Variants in THRB observed in about 807,000 individuals in gnomAD.
THRB encodes the protein nuclear receptor subfamily 1 group A member 2.
In THRB, 12 loss-of-function variants were observed where a neutral mutation model predicts 47.8. That is an observed-to-expected ratio of 0.25 (90% CI 0.16 to 0.41). The LOEUF (loss-of-function observed/expected upper bound fraction) is 0.41, where lower values mean the gene tolerates loss of function less well. THRB is among the 10% of genes least tolerant of loss of function. The pLI is 1.00. For missense variants in THRB, 348 were observed against 589.2 expected (o/e 0.59, Z 4.24); for synonymous variants, 218 against 212.2 (o/e 1.03, Z -0.24).
chr3:24,462,319 A>C (rs1444987048), intron 1 of THRB, among the ~76,000 whole-genome samples: 1 of 152,232 alleles, frequency 6.6e-6, no homozygotes, highest in Middle Eastern at 3.2e-3. Flanking sequence ...AGAATTAAGA[A>C]GGTTTGACTA....
At chr3:24,426,249 G>T (rs903981550) in intron 1 of THRB, among the ~76,000 whole-genome samples, 2 of 151,862 alleles carry the variant, frequency 1.3e-5, no homozygotes, top group African/African-American at 4.8e-5. Flanking sequence ...ATAACTTTAT[G>T]TTATGTCCTT....
intron 1 of THRB, among the ~76,000 whole-genome samples, chr3:24,424,665 C>G (rs2069585192): frequency 1.3e-5 from 2 of 151,912 alleles, no homozygotes; most frequent in Non-Finnish European, 2.9e-5. Flanking sequence ...TTTTCACAGC[C>G]TAGAATTCTT....
intron 8 of THRB, among the ~76,000 whole-genome samples, chr3:24,136,544 A>G (rs182128417): frequency 6.6e-6 from 1 of 152,350 alleles, no homozygotes; most frequent in Admixed American, 6.5e-5. Context: ...TAGAGTATAA[A>G]TATTTCACAT....
At chr3:24,204,222 C>A (rs184814373) in intron 4 of THRB, among the ~76,000 whole-genome samples, 5 of 152,360 alleles carry the variant, frequency 3.3e-5, no homozygotes, top group Non-Finnish European at 7.3e-5. Context: ...GGGTCCCCGA[C>A]CCCTGAGTAG....
At chr3:24,196,195 G>A (rs1280653210) in intron 4 of THRB, among the ~76,000 whole-genome samples, 1 of 152,142 alleles carries the variant, frequency 6.6e-6, no homozygotes, top group Non-Finnish European at 1.5e-5. Flanking sequence ...TCTAAAACCT[G>A]ACCTGACCTT....
chr3:24,235,076 G>A (rs1419162560), intron 3 of THRB, among the ~76,000 whole-genome samples: 1 of 152,202 alleles, frequency 6.6e-6, no homozygotes, highest in East Asian at 1.9e-4. Flanking sequence ...ACCTCTTTGA[G>A]TGGGATCATT....
intron 1 of THRB, among the ~76,000 whole-genome samples, chr3:24,485,175 T>A (rs73823334): frequency 6.6e-6 from 1 of 152,186 alleles, no homozygotes; most frequent in Non-Finnish European, 1.5e-5. Flanking sequence ...GGCATGTACA[T>A]ACAATGGCAG....
chr3:24,234,508 C>T (rs1366857371), intron 3 of THRB, among the ~76,000 whole-genome samples: 1 of 152,126 alleles, frequency 6.6e-6, no homozygotes, highest in Non-Finnish European at 1.5e-5. Context: ...AGCCTGGAGG[C>T]TGAAGAGGAA....
chr3:24,227,504 G>A (rs1348503938), intron 4 of THRB, among the ~76,000 whole-genome samples: 2 of 152,152 alleles, frequency 1.3e-5, no homozygotes, highest in African/African-American at 4.8e-5. Flanking sequence ...ATGTGATTCC[G>A]ATGCCCTCAG....
chr3:24,128,889 T>TTTTTTTTTTTTTG (rs2033373342), intron 9 of THRB, among the ~76,000 whole-genome samples: 1 of 146,298 alleles, frequency 6.8e-6, no homozygotes, highest in Non-Finnish European at 1.5e-5. Context: ...TTTTTTTTTT[T>TTTTTTTTTTTTTG]ACCATGGATA....
chr3:24,134,725 G>A (rs2034389326), intron 8 of THRB, among the ~76,000 whole-genome samples: 1 of 152,146 alleles, frequency 6.6e-6, no homozygotes, highest in South Asian at 2.1e-4. Flanking sequence ...CCAGAAAGAT[G>A]TGAATGTGAC....
At position 24,117,902 on chromosome 3, in the gene THRB, A is replaced by C. The variant is rs956093056; in HGVS notation, c.*4982T>G. ...CTGATGTTAACATAATTCCATTAGT[A>C]ATATTCCTGAATAATTTGAGATGAG... is the stretch of plus-strand genomic sequence containing the variant. On this transcript the variant is annotated 3_prime_UTR_variant, in exon 11 of 11. Transcript: ENST00000646209. The C allele has an allele frequency of 1.3e-5, 2 of 152,222 alleles. No homozygotes were observed. Among genetic ancestry groups the C allele is most frequent in the African/African-American group, 4.8e-5 (2 of 41,464 alleles). The allele number at this position is 152,222 out of a possible 1,614,324, so 9.4% of individuals were successfully genotyped here.
At chr3:24,225,925 C>T (rs750695987) in intron 4 of THRB, among the ~76,000 whole-genome samples, 11 of 151,904 alleles carry the variant, frequency 7.2e-5, no homozygotes, top group Non-Finnish European at 1.2e-4. Context: ...AATTAGGTGG[C>T]GTAAAGCAGT....
intron 4 of THRB, among the ~76,000 whole-genome samples, chr3:24,193,330 C>CT (rs1238343033): frequency 6.6e-6 from 1 of 152,150 alleles, no homozygotes; most frequent in African/African-American, 2.4e-5. Flanking sequence ...GAAGACCAGG[C>CT]TTTTTGAAAT....
chr3:24,222,858 C>T (rs901774767), intron 4 of THRB, among the ~76,000 whole-genome samples: 4 of 152,132 alleles, frequency 2.6e-5, no homozygotes, highest in East Asian at 3.8e-4. Context: ...TGGCAGCATT[C>T]GTAATGTGTA....
chr3:24,146,598 G>A, intron 7 of THRB, 77 bp downstream of exon 7: 1 of 1,490,220 alleles, frequency 6.7e-7, no homozygotes, highest in Non-Finnish European at 9.3e-7. Flanking sequence ...CTTCTTTTCT[G>A]CCCAGTCGAT....
At chr3:24,225,527 A>G (rs917962722) in intron 4 of THRB, among the ~76,000 whole-genome samples, 2 of 152,184 alleles carry the variant, frequency 1.3e-5, no homozygotes, top group Admixed American at 1.3e-4. Context: ...CCATATCCTA[A>G]TATCATACAG....
intron 3 of THRB, among the ~76,000 whole-genome samples, chr3:24,233,560 GAAGAAAGAAAGAAAGA>G (rs769459380): frequency 1.7e-4 from 13 of 77,302 alleles, no homozygotes; most frequent in Admixed American, 6.1e-4. Context: ...AAAGAAAAAG[GAAGAAAGAAAGAAAGA>G]AAGAAAGAAA....
intron 1 of THRB, among the ~76,000 whole-genome samples, chr3:24,442,293 C>T (rs2125415162): frequency 6.6e-6 from 1 of 152,284 alleles, no homozygotes; most frequent in East Asian, 1.9e-4. Context: ...AGCTTCATAT[C>T]CTCACAATCG....
Sources: allele counts gnomAD v4.1 joint callset (sites outside exome capture counted in the v4.1 genomes callset), GRCh38; gene constraint gnomAD v4.1.1; transcripts MANE v1.5; gene names NCBI Gene and HGNC (gene_info 2026-07-23, HGNC 2026-07-21).